The following ASTN2 variants were observed in gnomAD, a reference collection of about 807,000 sequenced individuals.
The protein encoded by ASTN2 is astrotactin 2.
In ASTN2, 54 loss-of-function variants were observed where a neutral mutation model predicts 139.8. That is an observed-to-expected ratio of 0.39 (90% CI 0.31 to 0.48). ASTN2 has a LOEUF of 0.48. ASTN2 is among the 20% of genes least tolerant of loss of function. The probability of loss-of-function intolerance (pLI) is 0.95; values close to 1 mark genes in which losing one functional copy is unlikely to be tolerated. For missense variants in ASTN2, 1,565 were observed against 1,725.1 expected (o/e 0.91, Z 1.64); for synonymous variants, 756 against 719.5 (o/e 1.05, Z -0.81).
At chr9:116,596,595 T>G (rs1854590408) in intron 19 of ASTN2, among the ~76,000 whole-genome samples, 1 of 152,238 alleles carries the variant, frequency 6.6e-6, no homozygotes, top group African/African-American at 2.4e-5. Flanking sequence ...GTATGCAATT[T>G]TTATATATCA....
intron 14 of ASTN2, among the ~76,000 whole-genome samples, chr9:116,729,331 G>A (rs1828717482): frequency 6.6e-6 from 1 of 152,096 alleles, no homozygotes; most frequent in Non-Finnish European, 1.5e-5. Context: ...TACCCTACAA[G>A]CAAGAGCAAC....
intron 20 of ASTN2, among the ~76,000 whole-genome samples, chr9:116,444,785 T>C (rs1847936740): frequency 6.6e-6 from 1 of 152,314 alleles, no homozygotes; most frequent in Admixed American, 6.5e-5. Context: ...CTGAGCTCAC[T>C]GCACCTCTCT....
At chr9:117,246,865 T>C (rs1833397519) in intron 2 of ASTN2, among the ~76,000 whole-genome samples, 1 of 152,076 alleles carries the variant, frequency 6.6e-6, no homozygotes, top group Admixed American at 6.5e-5. Flanking sequence ...GGACAGGGTG[T>C]ATCTGCAAAA....
chr9:116,645,749 A>G (rs1176270667), intron 17 of ASTN2, among the ~76,000 whole-genome samples: 2 of 152,208 alleles, frequency 1.3e-5, no homozygotes, highest in African/African-American at 4.8e-5. Context: ...CAATGTTTAT[A>G]AAGTGAGAAA....
At chr9:116,725,532 A>G (rs1441747) in intron 16 of ASTN2, among the ~76,000 whole-genome samples, 79,410 of 151,902 alleles carry the variant, frequency 0.52, 22,955 homozygotes, top group South Asian at 0.72. Flanking sequence ...AGTCTAGAAC[A>G]CTAACTTGAG....
At chr9:116,940,015 T>TA (rs1276828101) in intron 10 of ASTN2, among the ~76,000 whole-genome samples, 1 of 152,212 alleles carries the variant, frequency 6.6e-6, no homozygotes, top group Non-Finnish European at 1.5e-5. Flanking sequence ...TATAAAAGTA[T>TA]AGCACATACA....
intron 19 of ASTN2, among the ~76,000 whole-genome samples, chr9:116,519,985 A>T (rs112952208): frequency 0.012 from 1,857 of 152,148 alleles, 33 homozygotes; most frequent in African/African-American, 0.043. Context: ...ACAGACCAAA[A>T]ACAAGCAGTG....
chr9:116,710,718 A>C (rs1384665355), intron 16 of ASTN2, among the ~76,000 whole-genome samples: 1 of 143,302 alleles, frequency 7.0e-6, no homozygotes, highest in Non-Finnish European at 1.5e-5. Context: ...GGGCAACAAG[A>C]GTGAAACTCC....
chr9:116,469,716 T>C (rs931638993), intron 20 of ASTN2, among the ~76,000 whole-genome samples: 4 of 152,356 alleles, frequency 2.6e-5, no homozygotes, highest in Non-Finnish European at 2.9e-5. Context: ...TACATACTTA[T>C]TGAGTGTCTC....
chr9:117,219,112 T>C (rs1249822720), intron 2 of ASTN2, among the ~76,000 whole-genome samples: 1 of 152,168 alleles, frequency 6.6e-6, no homozygotes, highest in Non-Finnish European at 1.5e-5. Context: ...TCTGGCTGCT[T>C]CTGTCATAGT....
rs1014029256 is a variant in ASTN2, at chr9:117,037,551, T to C, written c.1423+2268A>G. Among the ~76,000 whole-genome samples, 150 of 152,228 alleles carry C rather than the reference T, an allele frequency of 9.9e-4. 13 individuals carry two copies. The highest frequency in any genetic ancestry group is 4.8e-5 in the African/African-American group (2 of 41,470). On this transcript the variant is annotated intron_variant, in intron 6 of 22. Coordinates refer to ENST00000313400, the MANE Select transcript of ASTN2 (RefSeq NM_001365068.1). ...ACAAAGGAGCAAGTATTTAGATTAA[T>C]GTTTGTAGTATTCCAAAGCCTGTGC...
At chr9:116,665,534 C>G (rs1483548137) in intron 16 of ASTN2, among the ~76,000 whole-genome samples, 3 of 152,076 alleles carry the variant, frequency 2.0e-5, no homozygotes, top group Non-Finnish European at 2.9e-5. Context: ...AATAAATACC[C>G]CTACTGCCCA....
At position 116,962,169 on chromosome 9, in the gene ASTN2, T is replaced by C. The variant is rs117269638; in HGVS notation, c.1889+13039A>G. ...TGTCTCACTTACTTTTCTTCCTCTGTTGATTCTAGGAAATGTTATAGTTCT... is the reference window on the plus strand; with the variant it reads ...TGTCTCACTTACTTTTCTTCCTCTGCTGATTCTAGGAAATGTTATAGTTCT... On this transcript the variant is annotated intron_variant, in intron 10 of 22. Transcript: ENST00000313400. Among the ~76,000 whole-genome samples, 956 of 152,332 alleles carry C rather than the reference T, an allele frequency of 6.3e-3. 3 individuals carry two copies. Among genetic ancestry groups the C allele is most frequent in the Middle Eastern group, 0.024 (7 of 294 alleles).
At chr9:116,679,673 C>T (rs183724752) in intron 16 of ASTN2, among the ~76,000 whole-genome samples, 11 of 152,246 alleles carry the variant, frequency 7.2e-5, no homozygotes, top group Non-Finnish European at 1.6e-4. Flanking sequence ...TTATAACTGT[C>T]TCTCAGAACA....
intron 16 of ASTN2, among the ~76,000 whole-genome samples, chr9:116,695,919 GA>G (rs1057055111): frequency 1.3e-5 from 2 of 152,158 alleles, no homozygotes; most frequent in African/African-American, 4.8e-5. Flanking sequence ...ATCTAGGCTT[GA>G]GTCTTTGGCT....
intron 13 of ASTN2, among the ~76,000 whole-genome samples, chr9:116,746,315 T>C (rs531806417): frequency 3.3e-5 from 5 of 152,144 alleles, no homozygotes; most frequent in African/African-American, 9.6e-5. Context: ...CTCAAACTCC[T>C]GATCTCGTGA....
chr9:117,072,936 A>T (rs1564413249), intron 5 of ASTN2, among the ~76,000 whole-genome samples: 1 of 152,138 alleles, frequency 6.6e-6, no homozygotes. Context: ...AAGAGTTAAG[A>T]CTTCAAAGAG....
At chr9:116,987,747 A>G (rs1425107748) in intron 7 of ASTN2, among the ~76,000 whole-genome samples, 1 of 152,214 alleles carries the variant, frequency 6.6e-6, no homozygotes, top group Non-Finnish European at 1.5e-5. Context: ...AGAACAATAA[A>G]TAAAAACAAA....
At chr9:117,237,477 T>C (rs1833079514) in intron 2 of ASTN2, among the ~76,000 whole-genome samples, 1 of 152,106 alleles carries the variant, frequency 6.6e-6, no homozygotes, top group Non-Finnish European at 1.5e-5. Flanking sequence ...CCAACAACTC[T>C]GGAGGCTGAG....
Sources: allele counts gnomAD v4.1 joint callset (sites outside exome capture counted in the v4.1 genomes callset), GRCh38; gene constraint gnomAD v4.1.1; transcripts MANE v1.5; gene names NCBI Gene and HGNC (gene_info 2026-07-23, HGNC 2026-07-21).